Variants in CCDC91 observed in about 807,000 individuals in gnomAD.
CCDC91 encodes coiled-coil domain containing 91.
Under a neutral mutation model 63.2 loss-of-function variants are expected in CCDC91, and 48 were observed. The observed-to-expected ratio is 0.76, with a 90% CI of 0.60 to 0.97. The LOEUF is 0.97. Among genes scored for constraint, CCDC91 ranks in the 50% least tolerant of loss-of-function variants. The pLI, the probability that CCDC91 is intolerant of heterozygous loss-of-function variation, is 0.00. For synonymous variants in CCDC91, 167 were observed against 165.8 expected, an observed-to-expected ratio of 1.01 and a Z score of -0.06; for missense variants, 500 against 494.6, an observed-to-expected ratio of 1.01 and a Z score of -0.10.
intron 12 of CCDC91, among the ~76,000 whole-genome samples, chr12:28,510,422 G>A (rs935714777): frequency 4.6e-5 from 7 of 151,882 alleles, no homozygotes; most frequent in Non-Finnish European, 1.0e-4. Context: ...AAAGCTGGAA[G>A]ATTGAAATCA....
chr12:28,480,805 T>C (rs1404693725), intron 11 of CCDC91, among the ~76,000 whole-genome samples: 1 of 152,012 alleles, frequency 6.6e-6, no homozygotes, highest in African/African-American at 2.4e-5. Flanking sequence ...GTGATACTTG[T>C]TTTCTGTAAA....
chr12:28,484,402 AC>A (rs1408952395), intron 12 of CCDC91, among the ~76,000 whole-genome samples: 1 of 152,198 alleles, frequency 6.6e-6, no homozygotes, highest in Non-Finnish European at 1.5e-5. Flanking sequence ...CCTAGAAATA[AC>A]CTATATCATT....
At chr12:28,304,420 A>G (rs1938481571) in intron 3 of CCDC91, among the ~76,000 whole-genome samples, 1 of 149,324 alleles carries the variant, frequency 6.7e-6, no homozygotes, top group South Asian at 2.1e-4. Context: ...AAAAAAGAAA[A>G]AAAGAAATGC....
intron 7 of CCDC91, among the ~76,000 whole-genome samples, chr12:28,383,280 G>C (rs1481325584): frequency 6.6e-6 from 1 of 151,980 alleles, no homozygotes; most frequent in Non-Finnish European, 1.5e-5. Flanking sequence ...TTTTTGAATT[G>C]TGTAGTACTA....
chr12:28,427,728 A>G (rs1325965796), intron 8 of CCDC91, among the ~76,000 whole-genome samples: 1 of 152,246 alleles, frequency 6.6e-6, no homozygotes, highest in East Asian at 1.9e-4. Context: ...TCAGATGGAT[A>G]TAAGGAGACA....
At chr12:28,416,095 G>T (rs1383660240) in intron 8 of CCDC91, among the ~76,000 whole-genome samples, 2 of 151,954 alleles carry the variant, frequency 1.3e-5, no homozygotes, top group Non-Finnish European at 2.9e-5. Context: ...TCCTCACCCA[G>T]CTGCTTCTTG....
At chr12:28,218,471 A>AAAAG (rs71039883) in intron 1 of CCDC91, among the ~76,000 whole-genome samples, 56,447 of 151,102 alleles carry the variant, frequency 0.37, 11,078 homozygotes, top group East Asian at 0.56. Context: ...ATTAAAAAAA[A>AAAAG]AAATCACCAA....
At chr12:28,315,540 T>G (rs182831046) in intron 6 of CCDC91, among the ~76,000 whole-genome samples, 1 of 152,172 alleles carries the variant, frequency 6.6e-6, no homozygotes. Context: ...GTAGTTTTCA[T>G]GAATTTCTGC....
At chr12:28,371,410 T>C (rs1331293603) in intron 7 of CCDC91, among the ~76,000 whole-genome samples, 2 of 152,190 alleles carry the variant, frequency 1.3e-5, no homozygotes, top group Admixed American at 1.3e-4. Context: ...CCTGAAACCA[T>C]CCGCTTTACC....
chr12:28,468,275 A>G (rs1950640073), intron 11 of CCDC91, among the ~76,000 whole-genome samples: 1 of 151,676 alleles, frequency 6.6e-6, no homozygotes, highest in Non-Finnish European at 1.5e-5. Context: ...TCTAGTATCT[A>G]TACTACATCT....
At chr12:28,463,245 T>C (rs1365309972) in intron 11 of CCDC91, among the ~76,000 whole-genome samples, 7 of 152,198 alleles carry the variant, frequency 4.6e-5, no homozygotes, top group Non-Finnish European at 8.8e-5. Flanking sequence ...GCACAGTGTT[T>C]GGTGGATATC....
At chr12:28,252,641 ATCTT>A (rs1946198522) in intron 1 of CCDC91, among the ~76,000 whole-genome samples, 1 of 152,100 alleles carries the variant, frequency 6.6e-6, no homozygotes. Context: ...TGGATGAACT[ATCTT>A]CTGTTGTTAA....
chr12:28,533,162 G>A (rs1760721226), intron 12 of CCDC91, among the ~76,000 whole-genome samples: 3 of 152,150 alleles, frequency 2.0e-5, no homozygotes, highest in South Asian at 2.1e-4. Context: ...TATTTATTAT[G>A]CTTAATTTAT....
chr12:28,539,826 A>G (rs1942494428), intron 12 of CCDC91, among the ~76,000 whole-genome samples: 1 of 152,098 alleles, frequency 6.6e-6, no homozygotes, highest in South Asian at 2.1e-4. Context: ...AATGTGCCAG[A>G]TAGATGGTAT....
chr12:28,500,597 A>C (rs1489740659), intron 12 of CCDC91, among the ~76,000 whole-genome samples: 7 of 151,872 alleles, frequency 4.6e-5, no homozygotes, highest in African/African-American at 1.7e-4. Context: ...AGCACCACAG[A>C]AGGTATTGGC....
intron 3 of CCDC91, among the ~76,000 whole-genome samples, chr12:28,288,150 G>A (rs946218507): frequency 6.6e-6 from 1 of 152,174 alleles, no homozygotes; most frequent in Non-Finnish European, 1.5e-5. Context: ...TCTGCAAGCA[G>A]GAATAGTTTG....
chr12:28,197,286 C>T (rs1010088831), intron 1 of CCDC91, among the ~76,000 whole-genome samples: 1 of 151,996 alleles, frequency 6.6e-6, no homozygotes. Context: ...CTAGTTCAAA[C>T]CGTTTTTTAA....
At chr12:28,306,567 G>A (rs778749616) in intron 4 of CCDC91, among the ~76,000 whole-genome samples, 175 bp from the exon 5 acceptor site, 7 of 151,842 alleles carry the variant, frequency 4.6e-5, no homozygotes, top group Non-Finnish European at 1.0e-4. Flanking sequence ...AGCAAAGATC[G>A]GGTTGTTGTA....
At chr12:28,525,756 G>A (rs1941201823) in intron 12 of CCDC91, among the ~76,000 whole-genome samples, 1 of 151,902 alleles carries the variant, frequency 6.6e-6, no homozygotes, top group Non-Finnish European at 1.5e-5. Flanking sequence ...AGGTCTATTA[G>A]TAATTGTTTT....
Sources: allele counts gnomAD v4.1 joint callset (sites outside exome capture counted in the v4.1 genomes callset), GRCh38; gene constraint gnomAD v4.1.1; transcripts MANE v1.5; gene names NCBI Gene and HGNC (gene_info 2026-07-23, HGNC 2026-07-21).